The following DCAF8L2 variants were observed in gnomAD, a reference collection of about 807,000 sequenced individuals.
DCAF8L2 encodes the protein DDB1 and CUL4 associated factor 8 like 2.
For synonymous variants in DCAF8L2, 200 were observed against 190.9 expected (o/e 1.05, Z -0.39); for missense variants, 430 against 490.7 (o/e 0.88, Z 1.17).
chrX:27,498,786 T>C, the DCAF8L2 span, among the ~76,000 whole-genome samples: 3 of 112,394 alleles, frequency 2.7e-5, no homozygotes, highest in African/African-American at 9.7e-5. Flanking sequence ...ATTCCACATA[T>C]AAATGGGATC....
intron 4 of DCAF8L2, among the ~76,000 whole-genome samples, chrX:27,743,553 G>A (rs920259281): frequency 2.8e-5 from 3 of 106,618 alleles, no homozygotes; most frequent in Non-Finnish European, 5.8e-5. Flanking sequence ...ACGCCACCAC[G>A]ACCGGCTAAT....
chrX:27,715,981 C>T (rs895521402), intron 3 of DCAF8L2, 107 bp from the exon 4 acceptor site: 16 of 112,433 alleles, frequency 1.4e-4, no homozygotes, highest in African/African-American at 2.9e-4. Context: ...TATGTTCTCC[C>T]TTCATCAGTA....
chrX:27,568,754 T>C, the DCAF8L2 span, among the ~76,000 whole-genome samples: 3 of 108,210 alleles, frequency 2.8e-5, no homozygotes, highest in African/African-American at 1.0e-4. Flanking sequence ...ATGTGCCATG[T>C]TGGTGTGCTG....
intron 4 of DCAF8L2, among the ~76,000 whole-genome samples, chrX:27,722,090 A>G (rs752645053): frequency 1.8e-5 from 2 of 112,189 alleles, no homozygotes; most frequent in South Asian, 7.3e-4. Flanking sequence ...AAACCACAGA[A>G]CATTTTCATT....
chrX:27,595,846 GAAACAAAC>G (rs201108106), intron 1 of DCAF8L2, among the ~76,000 whole-genome samples: 12 of 109,345 alleles, frequency 1.1e-4, no homozygotes, highest in African/African-American at 4.0e-4. Context: ...CATCTCTACT[GAAACAAAC>G]AAACAAACAA....
chrX:27,697,416 A>G (rs1314654435), intron 3 of DCAF8L2, among the ~76,000 whole-genome samples: 1 of 111,507 alleles, frequency 9.0e-6, no homozygotes, highest in Non-Finnish European at 1.9e-5. Context: ...ATGTCCAATA[A>G]TGTGTGATAA....
intron 1 of DCAF8L2, among the ~76,000 whole-genome samples, chrX:27,602,263 G>A (rs899536044): frequency 1.8e-5 from 2 of 110,853 alleles, no homozygotes; most frequent in African/African-American, 6.6e-5. Flanking sequence ...TTGAACTCCC[G>A]ACCTCAGGAG....
At chrX:27,739,105 T>A (rs1401105941) in intron 4 of DCAF8L2, among the ~76,000 whole-genome samples, 2 of 110,305 alleles carry the variant, frequency 1.8e-5, no homozygotes, top group Admixed American at 9.7e-5. Context: ...AAATCTGATT[T>A]AAAAAAAAAT....
intron 3 of DCAF8L2, among the ~76,000 whole-genome samples, chrX:27,714,486 T>G (rs1931630411): frequency 8.9e-6 from 1 of 111,803 alleles, no homozygotes; most frequent in Non-Finnish European, 1.9e-5. Context: ...CCAGCCATTT[T>G]TTAACTTCAA....
At chrX:27,524,575 T>C in the DCAF8L2 span, among the ~76,000 whole-genome samples, 179 of 110,772 alleles carry the variant, frequency 1.6e-3, no homozygotes, top group African/African-American at 5.5e-3. Context: ...CTGCTAGCTT[T>C]TGAATGTGTT....
At chrX:27,706,799 G>A (rs1169080713) in intron 3 of DCAF8L2, among the ~76,000 whole-genome samples, 1 of 111,347 alleles carries the variant, frequency 9.0e-6, no homozygotes, top group African/African-American at 3.3e-5. Context: ...AAGAAAAATG[G>A]AAACATATGC....
intron 3 of DCAF8L2, among the ~76,000 whole-genome samples, chrX:27,714,645 C>A (rs1175777530): frequency 8.9e-6 from 1 of 111,940 alleles, no homozygotes; most frequent in Non-Finnish European, 1.9e-5. Flanking sequence ...ACAGAAGGTG[C>A]TGTAAACTAC....
At chrX:27,673,041 AC>A (rs1930005093) in intron 2 of DCAF8L2, among the ~76,000 whole-genome samples, 1 of 109,857 alleles carries the variant, frequency 9.1e-6, no homozygotes, top group Admixed American at 9.9e-5. Flanking sequence ...TATCATCCCA[AC>A]CCCACCACAC....
intron 4 of DCAF8L2, among the ~76,000 whole-genome samples, chrX:27,731,274 G>A (rs1045319703): frequency 9.0e-6 from 1 of 110,822 alleles, no homozygotes; most frequent in Non-Finnish European, 1.9e-5. Context: ...AGCTGGGCGT[G>A]GTGGCACGTG....
chrX:27,523,993 T>C, the DCAF8L2 span, among the ~76,000 whole-genome samples: 1 of 112,080 alleles, frequency 8.9e-6, no homozygotes, highest in Non-Finnish European at 1.9e-5. Flanking sequence ...AAAGTCTCTT[T>C]CGTTGTTGTG....
At chrX:27,517,933 G>T in the DCAF8L2 span, 7 of 1,195,849 alleles carry the variant, frequency 5.9e-6, no homozygotes, top group African/African-American at 1.2e-4. Context: ...AAAACAGTTG[G>T]TTTGCGTGAG....
the DCAF8L2 span, among the ~76,000 whole-genome samples, chrX:27,497,542 TTCCTTCC>T: frequency 3.5e-5 from 3 of 85,374 alleles, no homozygotes; most frequent in African/African-American, 1.7e-4. Flanking sequence ...CCTTCCTTCC[TTCCTTCC>T]TTCTTTCTTT....
intron 3 of DCAF8L2, among the ~76,000 whole-genome samples, chrX:27,707,597 T>A (rs1171155130): frequency 8.9e-6 from 1 of 111,839 alleles, no homozygotes; most frequent in African/African-American, 3.2e-5. Flanking sequence ...AATCGAGTGT[T>A]GCAACCCAGA....
intron 1 of DCAF8L2, among the ~76,000 whole-genome samples, chrX:27,591,013 AT>A (rs1926060855): frequency 1.0e-5 from 1 of 97,296 alleles, no homozygotes; most frequent in Admixed American, 1.2e-4. Context: ...ATATATATAT[AT>A]AAATAAATAA....
Sources: allele counts gnomAD v4.1 joint callset (sites outside exome capture counted in the v4.1 genomes callset), GRCh38; gene constraint gnomAD v4.1.1; transcripts MANE v1.5; gene names NCBI Gene and HGNC (gene_info 2026-07-23, HGNC 2026-07-21).